The following SRBD1 variants were observed in gnomAD, a reference collection of about 807,000 sequenced individuals.
The protein encoded by SRBD1 is S1 RNA-binding domain-containing protein 1.
Under a neutral mutation model 115.3 loss-of-function variants are expected in SRBD1, and 88 were observed. The observed-to-expected ratio is 0.76, with a 90% confidence interval of 0.64 to 0.91. The LOEUF (loss-of-function observed/expected upper bound fraction) is 0.91. SRBD1 is among the 40% of genes least tolerant of loss of function. The pLI is 0.00. For synonymous variants in SRBD1, 509 were observed against 407.7 expected (o/e 1.25, Z -2.99); for missense variants, 1,385 against 1,177.4 (o/e 1.18, Z -2.58).
intron 3 of SRBD1, among the ~76,000 whole-genome samples, chr2:45,600,205 G>A (rs1413528702): frequency 1.3e-5 from 2 of 152,004 alleles, no homozygotes; most frequent in Non-Finnish European, 2.9e-5. Flanking sequence ...ACATACACAT[G>A]AATGAATACA....
chr2:45,389,233 T>C lies in SRBD1; in HGVS notation c.*77A>G. On this transcript the variant is annotated 3_prime_UTR_variant, in exon 21 of 21. Transcript: ENST00000263736. The stretch of plus-strand genomic sequence containing the variant: ...ATTATTTCTCATCTGCTACCTAGAG[T>C]TTACAAACAACTGACTTATCCTTGT... The C allele has an allele frequency of 1.3e-6, 2 of 1,506,798 alleles. No individual in the cohort carries two copies. Among genetic ancestry groups the C allele is most frequent in the Non-Finnish European group, 1.8e-6 (2 of 1,116,390 alleles). 93.3% of individuals were successfully genotyped at this position (1,506,798 alleles called of 1,614,324 possible).
intron 10 of SRBD1, among the ~76,000 whole-genome samples, chr2:45,557,809 C>G (rs1672529593): frequency 6.6e-6 from 1 of 152,164 alleles, no homozygotes; most frequent in Admixed American, 6.5e-5. Flanking sequence ...CATCTCAAAA[C>G]TTGATTCTTC....
intron 16 of SRBD1, among the ~76,000 whole-genome samples, chr2:45,432,526 A>G (rs1266964801): frequency 2.0e-5 from 3 of 152,204 alleles, no homozygotes; most frequent in Admixed American, 6.5e-5. Context: ...AGAAAAAATC[A>G]TATGTATTCC....
intron 14 of SRBD1, among the ~76,000 whole-genome samples, chr2:45,518,587 CA>C (rs1254970438): frequency 1.3e-5 from 2 of 152,158 alleles, no homozygotes; most frequent in Non-Finnish European, 2.9e-5. Flanking sequence ...TGACTAAGGA[CA>C]AGTCGGTAAT....
At chr2:45,566,819 A>G (rs558442000) in intron 9 of SRBD1, among the ~76,000 whole-genome samples, 9 of 152,250 alleles carry the variant, frequency 5.9e-5, no homozygotes, top group African/African-American at 1.7e-4. Context: ...CTAGTCTGTA[A>G]CTATATATTT....
chr2:45,476,347 T>C (rs1249707938), intron 16 of SRBD1, among the ~76,000 whole-genome samples: 2 of 152,188 alleles, frequency 1.3e-5, no homozygotes, highest in South Asian at 4.1e-4. Context: ...ATAGTACCTA[T>C]CATTCAAATC....
chr2:45,548,052 A>AT (rs534534931), intron 12 of SRBD1, among the ~76,000 whole-genome samples: 1 of 151,716 alleles, frequency 6.6e-6, no homozygotes, highest in South Asian at 2.1e-4. Flanking sequence ...AAAGAAAAAT[A>AT]TTTTTTATTG....
chr2:45,599,431 G>T lies in SRBD1; in HGVS notation c.648+18C>A, dbSNP rs750404670. ...AGCACTCAAAACAACTAAAGTGACAGAAAAAGGCTGCACATACCTGTACCA... is the reference window on the plus strand; with the variant it reads ...AGCACTCAAAACAACTAAAGTGACATAAAAAGGCTGCACATACCTGTACCA... On this transcript the variant is annotated intron_variant, in intron 4 of 20. Coordinates refer to ENST00000263736, the MANE Select transcript of SRBD1 (RefSeq NM_018079.5). 6.9e-6 allele frequency: 11 copies of T among 1,599,960 alleles called. No individual in the cohort carries two copies. The African/African-American group carries it at 1.5e-4, about 21-fold the overall frequency.
At chr2:45,408,190 G>A (rs1016399785) in intron 19 of SRBD1, among the ~76,000 whole-genome samples, 1 of 152,080 alleles carries the variant, frequency 6.6e-6, no homozygotes, top group African/African-American at 2.4e-5. Flanking sequence ...TCTTAAATGG[G>A]CTTTTTTCTT....
chr2:45,419,095 A>C (rs33980336), intron 17 of SRBD1, among the ~76,000 whole-genome samples: 11,858 of 152,206 alleles, frequency 0.078, 817 homozygotes, highest in African/African-American at 0.17. Context: ...ATTTCAGAGA[A>C]TCTCAACTCT....
At chr2:45,425,519 G>A (rs984355511) in intron 16 of SRBD1, among the ~76,000 whole-genome samples, 4 of 152,072 alleles carry the variant, frequency 2.6e-5, no homozygotes, top group Admixed American at 1.3e-4. Flanking sequence ...AGTAGGGGGT[G>A]GCTGGCAAGA....
At chr2:45,397,422 C>A (rs777486224) in intron 19 of SRBD1, among the ~76,000 whole-genome samples, 2 of 152,038 alleles carry the variant, frequency 1.3e-5, no homozygotes, top group African/African-American at 2.4e-5. Context: ...GTGTGGCAAA[C>A]GAGGAAAACC....
chr2:45,499,490 C>G (rs1182997034), intron 14 of SRBD1, among the ~76,000 whole-genome samples: 1 of 152,108 alleles, frequency 6.6e-6, no homozygotes, highest in Non-Finnish European at 1.5e-5. Flanking sequence ...TGTGCAGAAG[C>G]TTTTTAGCTT....
At chr2:45,498,091 T>A (rs892614364) in intron 14 of SRBD1, among the ~76,000 whole-genome samples, 1 of 152,226 alleles carries the variant, frequency 6.6e-6, no homozygotes, top group Non-Finnish European at 1.5e-5. Context: ...CTCTTTTTAC[T>A]ATAGCTATTT....
intron 19 of SRBD1, among the ~76,000 whole-genome samples, chr2:45,408,374 C>G (rs1667498402): frequency 6.6e-6 from 1 of 152,124 alleles, no homozygotes; most frequent in Admixed American, 6.5e-5. Flanking sequence ...TGATCTTAGC[C>G]AAAAGGCCGA....
At chr2:45,464,385 C>T (rs3755079) in intron 16 of SRBD1, among the ~76,000 whole-genome samples, 120,788 of 152,124 alleles carry the variant, frequency 0.79, 48,721 homozygotes, top group African/African-American at 0.91. Flanking sequence ...AACTTTTGCT[C>T]GCCAATTCAC....
At chr2:45,512,821 T>C (rs1671009183) in intron 14 of SRBD1, among the ~76,000 whole-genome samples, 1 of 152,162 alleles carries the variant, frequency 6.6e-6, no homozygotes, top group Non-Finnish European at 1.5e-5. Flanking sequence ...TAAGTGAATA[T>C]TTTTCTTTAT....
At chr2:45,577,362 G>T (rs996461867) in intron 7 of SRBD1, among the ~76,000 whole-genome samples, 1 of 152,186 alleles carries the variant, frequency 6.6e-6, no homozygotes, top group Non-Finnish European at 1.5e-5. Flanking sequence ...TAAATCAGGA[G>T]GAAATATGGT....
At chr2:45,528,196 G>A (rs1039384052) in intron 14 of SRBD1, among the ~76,000 whole-genome samples, 2 of 151,664 alleles carry the variant, frequency 1.3e-5, no homozygotes, top group Admixed American at 6.6e-5. Context: ...AAATAAATAC[G>A]GAGACCCAGA....
Sources: allele counts gnomAD v4.1 joint callset (sites outside exome capture counted in the v4.1 genomes callset), GRCh38; gene constraint gnomAD v4.1.1; transcripts MANE v1.5; gene names NCBI Gene and HGNC (gene_info 2026-07-23, HGNC 2026-07-21).